Variants in RBFOX1 observed in about 807,000 individuals in gnomAD.
RBFOX1 encodes RNA binding protein fox-1 homolog 1.
RBFOX1 carries 8 observed loss-of-function variants against 57.7 expected under a neutral mutation model. That is an observed-to-expected ratio of 0.14 (90% confidence interval 0.08 to 0.25). The LOEUF (loss-of-function observed/expected upper bound fraction) is 0.25, where lower values mean the gene tolerates loss of function less well. Ranked by LOEUF, RBFOX1 falls within the 10% of genes least tolerant of loss-of-function variation. The pLI is 1.00. For synonymous variants in RBFOX1, 326 were observed against 222.4 expected (o/e 1.47, Z -4.15); for missense variants, 611 against 548.5 (o/e 1.11, Z -1.14).
intron 2 of RBFOX1, among the ~76,000 whole-genome samples, chr16:5,494,727 C>G (rs1378061446): frequency 6.6e-6 from 1 of 152,156 alleles, no homozygotes; most frequent in East Asian, 1.9e-4. Context: ...GGGTGAAAGC[C>G]AACCAGATGG....
chr16:5,598,237 TA>T (rs1034953936), intron 2 of RBFOX1, among the ~76,000 whole-genome samples: 2 of 144,590 alleles, frequency 1.4e-5, no homozygotes, highest in African/African-American at 5.1e-5. Context: ...AAAAAAAAAA[TA>T]AATAAAAAAA....
In RBFOX1 at chr16:5,440,803, C is replaced by G. The variant is rs187014658; in HGVS notation, c.220-26413C>G. On this transcript the variant is annotated intron_variant, in intron 1 of 2. Coordinates refer to the RBFOX1 transcript ENST00000585867. ...AATTTCAACAACACAGAATGAGATTCTCATGAGCTGGGAGGGATTCCCATG... is the reference window on the plus strand; with the variant it reads ...AATTTCAACAACACAGAATGAGATTGTCATGAGCTGGGAGGGATTCCCATG... 5.9e-5 allele frequency among the ~76,000 whole-genome samples: 9 copies of G among 152,294 alleles called. No homozygotes were observed. In the East Asian group the frequency reaches 1.7e-3, roughly 29 times the overall value.
At chr16:6,620,073 T>G (rs1028703935) in intron 2 of RBFOX1, among the ~76,000 whole-genome samples, 6 of 152,224 alleles carry the variant, frequency 3.9e-5, no homozygotes, top group Non-Finnish European at 8.8e-5. Context: ...CATTCCATGG[T>G]GCATATGGAC....
At chr16:5,272,291 C>T (rs549331589) in intron 1 of RBFOX1, among the ~76,000 whole-genome samples, 1 of 152,318 alleles carries the variant, frequency 6.6e-6, no homozygotes, top group African/African-American at 2.4e-5. Flanking sequence ...AATCATTCCA[C>T]ATTGTATACA....
At chr16:5,456,716 T>C (rs1473711607) in intron 1 of RBFOX1, among the ~76,000 whole-genome samples, 2 of 152,188 alleles carry the variant, frequency 1.3e-5, no homozygotes, top group Admixed American at 6.5e-5. Flanking sequence ...CTTTAATAGC[T>C]GTTAGCTGGG....
At chr16:7,645,958 T>C (rs2063660753) in intron 11 of RBFOX1, among the ~76,000 whole-genome samples, 1 of 151,720 alleles carries the variant, frequency 6.6e-6, no homozygotes, top group African/African-American at 2.4e-5. Flanking sequence ...CCCACCTTTT[T>C]TTTTTTTCTG....
At chr16:6,068,704 A>G (rs1228336107) in intron 1 of RBFOX1, among the ~76,000 whole-genome samples, 1 of 152,202 alleles carries the variant, frequency 6.6e-6, no homozygotes, top group Admixed American at 6.5e-5. Context: ...CTTATAGATG[A>G]GAAGTTAATC....
At chr16:7,476,884 G>C (rs1226192496) in intron 4 of RBFOX1, among the ~76,000 whole-genome samples, 1 of 152,132 alleles carries the variant, frequency 6.6e-6, no homozygotes, top group African/African-American at 2.4e-5. Context: ...AGTATGAAAT[G>C]GAGATTACAT....
At chr16:6,590,927 G>A (rs539665468) in intron 2 of RBFOX1, among the ~76,000 whole-genome samples, 63 of 152,282 alleles carry the variant, frequency 4.1e-4, no homozygotes, top group African/African-American at 1.4e-3. Context: ...AGTATAGTGG[G>A]TAAGATGAGA....
chr16:7,215,715 C>G (rs1279293491), intron 4 of RBFOX1, among the ~76,000 whole-genome samples: 1 of 144,900 alleles, frequency 6.9e-6, no homozygotes, highest in African/African-American at 2.6e-5. Context: ...TAAGAATTGG[C>G]CTATTCTGGA....
intron 2 of RBFOX1, among the ~76,000 whole-genome samples, chr16:6,541,022 G>C (rs192507782): frequency 6.6e-6 from 1 of 152,160 alleles, no homozygotes; most frequent in African/African-American, 2.4e-5. Flanking sequence ...AGTGAATCAA[G>C]TTCTTATATA....
chr16:7,685,498 CT>C (rs2075874489), intron 14 of RBFOX1, among the ~76,000 whole-genome samples: 1 of 152,096 alleles, frequency 6.6e-6, no homozygotes, highest in Admixed American at 6.6e-5. Flanking sequence ...TCTGATTTCA[CT>C]TTACTGACCC....
intron 3 of RBFOX1, among the ~76,000 whole-genome samples, chr16:5,709,997 G>T (rs927604052): frequency 3.3e-5 from 5 of 150,262 alleles, no homozygotes; most frequent in Admixed American, 2.7e-4. Flanking sequence ...TAACTCAGGC[G>T]CATTGGGTTC....
At chr16:5,351,030 G>C (rs770000660) in intron 1 of RBFOX1, among the ~76,000 whole-genome samples, 4 of 152,122 alleles carry the variant, frequency 2.6e-5, no homozygotes, top group Non-Finnish European at 5.9e-5. Context: ...ACCCACCCAC[G>C]AATTATTAAG....
At chr16:6,781,748 T>A (rs997044691) in intron 3 of RBFOX1, among the ~76,000 whole-genome samples, 2 of 152,158 alleles carry the variant, frequency 1.3e-5, no homozygotes, top group African/African-American at 4.8e-5. Flanking sequence ...CCTTTGAATT[T>A]CTGTGGTATC....
chr16:5,449,173 A>C (rs548500256), intron 1 of RBFOX1, among the ~76,000 whole-genome samples: 1 of 152,200 alleles, frequency 6.6e-6, no homozygotes, highest in African/African-American at 2.4e-5. Context: ...CCCCTGCCCA[A>C]AGCCCCACTC....
At chr16:6,899,467 C>G (rs111770386) in intron 3 of RBFOX1, among the ~76,000 whole-genome samples, 1 of 152,224 alleles carries the variant, frequency 6.6e-6, no homozygotes, top group Non-Finnish European at 1.5e-5. Flanking sequence ...ATTGGTTGGT[C>G]TGTCAAGAGC....
chr16:5,424,066 C>T (rs1597000860), intron 1 of RBFOX1, among the ~76,000 whole-genome samples: 1 of 152,144 alleles, frequency 6.6e-6, no homozygotes, highest in Non-Finnish European at 1.5e-5. Flanking sequence ...TCCTGGCCAC[C>T]TTCAGATTTA....
intron 4 of RBFOX1, among the ~76,000 whole-genome samples, chr16:7,141,927 C>T (rs2073888765): frequency 6.6e-6 from 1 of 152,158 alleles, no homozygotes; most frequent in Non-Finnish European, 1.5e-5. Flanking sequence ...CAGTCCCCTT[C>T]CCCCTTAAGA....
Sources: gnomAD v4.1 joint callset for allele counts (sites outside exome capture counted in the v4.1 genomes callset) on GRCh38, gnomAD v4.1.1 for gene constraint, MANE v1.5 for transcripts, NCBI Gene and HGNC (gene_info 2026-07-23, HGNC 2026-07-21) for gene names.